The following POLR1B variants were observed in gnomAD, a reference collection of about 807,000 sequenced individuals.
The protein encoded by POLR1B is DNA-directed RNA polymerase I subunit RPA2.
POLR1B carries 30 observed loss-of-function variants against 105.8 expected under a neutral mutation model. The ratio of observed to expected loss-of-function variants is 0.28; its 90% CI spans 0.21 to 0.38. The LOEUF is 0.38. POLR1B is among the 10% of genes least tolerant of loss of function. The probability of loss-of-function intolerance (pLI) is 1.00; values close to 1 mark genes in which losing one functional copy is unlikely to be tolerated. For missense variants in POLR1B, 976 were observed against 1,435.8 expected, an observed-to-expected ratio of 0.68 and a Z score of 5.17; for synonymous variants, 485 against 505.1, an observed-to-expected ratio of 0.96 and a Z score of 0.53.
intron 4 of POLR1B, among the ~76,000 whole-genome samples, chr2:112,550,455 A>G (rs1683312802): frequency 6.6e-6 from 1 of 152,234 alleles, no homozygotes; most frequent in South Asian, 2.1e-4. Flanking sequence ...CTTTTGCATC[A>G]GTTGATGGTA....
chr2:112,549,441 T>A, intron 4 of POLR1B, 42 bp downstream of exon 4: 7 of 1,477,782 alleles, frequency 4.7e-6, no homozygotes, highest in Non-Finnish European at 6.3e-6. Flanking sequence ...AAGGAAAATT[T>A]AAAACTTTTT....
At chr2:112,556,546 TGTCTTC>T (rs1683672403) in intron 7 of POLR1B, among the ~76,000 whole-genome samples, 1 of 152,252 alleles carries the variant, frequency 6.6e-6, no homozygotes, top group Non-Finnish European at 1.5e-5. Context: ...CTTCCAGTGC[TGTCTTC>T]TGGAAGAATA....
Position 112,546,544 on chromosome 2 carries a change from C to CTTTTTTTTTT in POLR1B, c.178-442_178-433dup, listed in dbSNP as rs869087985. Among the ~76,000 whole-genome samples the CTTTTTTTTTT allele has an allele frequency of 5.6e-5, 3 of 53,188 alleles. 1 individual carries two copies. The highest frequency in any genetic ancestry group is 2.4e-4 in the African/African-American group (3 of 12,498). 34.9% of individuals were successfully genotyped at this position (53,188 alleles called of 152,430 possible). ...GAAGTTATGAGTAGACTGGAGGTAG[C>CTTTTTTTTTT]TTTTTTTTTTTTTTTTTTTTTTTTT... On this transcript the variant is annotated intron_variant, in intron 1 of 14. Coordinates refer to ENST00000263331, the MANE Select transcript of POLR1B (RefSeq NM_019014.6).
chr2:112,569,747 A>T (rs1292505103), intron 12 of POLR1B, among the ~76,000 whole-genome samples: 1 of 151,606 alleles, frequency 6.6e-6, no homozygotes, highest in African/African-American at 2.4e-5. Context: ...TTTAGTAGAG[A>T]CGGGGTTTCA....
chr2:112,568,606 C>A, intron 11 of POLR1B, 140 bp from the exon 12 acceptor site: 1 of 895,180 alleles, frequency 1.1e-6, no homozygotes, highest in East Asian at 2.6e-5. Context: ...CTGTGCTTCC[C>A]AGTTGATCCC....
intron 4 of POLR1B, 69 bp from the exon 5 acceptor site, chr2:112,550,797 A>G: frequency 1.3e-6 from 2 of 1,521,718 alleles, no homozygotes; most frequent in African/African-American, 2.8e-5. Context: ...AAGATTGTTC[A>G]GAAAGAAAAT....
intron 9 of POLR1B, 78 bp from the exon 10 acceptor site, chr2:112,564,288 G>A: frequency 6.5e-7 from 1 of 1,544,234 alleles, no homozygotes. Flanking sequence ...TACAGCAGCT[G>A]TTGACCCCAT....
In POLR1B at chr2:112,570,265, C is replaced by G. The variant is rs147483875; in HGVS notation, c.2074+1363C>G. On this transcript the variant is annotated intron_variant, in intron 12 of 14. Coordinates refer to ENST00000263331, the MANE Select transcript of POLR1B (RefSeq NM_019014.6). Reference sequence around the variant, plus strand: ...GTTTCACCATGTTGGCCTGGCTGGTCTCAAACTCCTGACCTGAAGTGATCT... The same window carrying G: ...GTTTCACCATGTTGGCCTGGCTGGTGTCAAACTCCTGACCTGAAGTGATCT... Among the ~76,000 whole-genome samples, 359 of 152,224 alleles carry G rather than the reference C, an allele frequency of 2.4e-3. 2 individuals are homozygous for G. Among genetic ancestry groups the G allele is most frequent in the African/African-American group, 8.3e-3 (346 of 41,522 alleles).
chr2:112,545,858 C>G (rs1558652309), intron 1 of POLR1B: 1 of 341,154 alleles, frequency 2.9e-6, no homozygotes, highest in Non-Finnish European at 5.7e-6. Context: ...GTGGCCCAGC[C>G]TGGTCTCAAA....
rs746508477 is a variant in POLR1B, at chr2:112,552,630, T to A, written c.987-15T>A. ...CTGAATTGTTTTAAGCTTTTTTTTT[T>A]TTCTGTTTTCACAGCCAGTGCATCT... On this transcript the variant is annotated splice_polypyrimidine_tract_variant and intron_variant, in intron 6 of 14. Transcript: ENST00000263331. The A allele has an allele frequency of 6.5e-7, 1 of 1,540,156 alleles. No homozygotes were observed. The highest frequency in any genetic ancestry group is 1.2e-5 in the South Asian group (1 of 80,640).
rs755198092 is a variant in POLR1B, at chr2:112,551,950, A to G, written c.938A>G (p.Asn313Ser). The G allele has an allele frequency of 4.8e-5, 78 of 1,614,124 alleles. No individual in the cohort carries two copies. The highest frequency in any genetic ancestry group is 1.6e-4 in the Middle Eastern group (1 of 6,084). The change falls in exon 6 of 15, where the codon AAT becomes AGT. Residue 313 changes from asparagine (N) to serine (S), a missense_variant. Asn to Ser is a conservative substitution (Grantham distance 46). Transcript: ENST00000263331. ...YLGECFRVKL[N>S]VPDWYPNEQA... is the part of the protein sequence containing the mutation. ...GGTGAATGCTTCAGAGTAAAACTCA[A>G]TGTTCCTGACTGGTACCCAAATGAG...
chr2:112,557,002 G>T (rs1683697272), intron 7 of POLR1B, among the ~76,000 whole-genome samples: 1 of 151,972 alleles, frequency 6.6e-6, no homozygotes, highest in South Asian at 2.1e-4. Flanking sequence ...TATACAATAA[G>T]GCTGGGTGTG....
Position 112,568,138 on chromosome 2 carries a change from G to T in POLR1B, c.1917+1G>T. On this transcript the variant is annotated splice_donor_variant, in intron 11 of 14. Transcript: ENST00000263331. LOFTEE classifies it high-confidence loss of function. The stretch of plus-strand genomic sequence containing the variant: ...AGAGCTAATTGGAACTATGGAACAG[G>T]TAAATACATATGTGTGATGGATGAG... The T allele has an allele frequency of 6.2e-7, 1 of 1,612,416 alleles. No homozygotes were observed. The highest frequency in any genetic ancestry group is 8.5e-7 in the Non-Finnish European group (1 of 1,178,568).
chr2:112,577,155 C>A lies in POLR1B; in HGVS notation c.*1426C>A, dbSNP rs1017892760. 1.3e-5 allele frequency: 2 copies of A among 152,192 alleles called. No individual in the cohort carries two copies. The highest frequency in any genetic ancestry group is 2.1e-4 in the South Asian group (1 of 4,834). 9.4% of individuals were successfully genotyped at this position (152,192 alleles called of 1,614,324 possible). ...ATAAGATGTTTTTTGATGATGAAAGCTTTCCTAAGGTAATTCTTTCCTGAG... is the reference window on the plus strand; with the variant it reads ...ATAAGATGTTTTTTGATGATGAAAGATTTCCTAAGGTAATTCTTTCCTGAG... On this transcript the variant is annotated 3_prime_UTR_variant, in exon 15 of 15. Transcript: ENST00000263331.
intron 10 of POLR1B, 66 bp from the exon 11 acceptor site, chr2:112,567,901 T>A (rs532337218): frequency 2.0e-5 from 28 of 1,392,350 alleles, no homozygotes; most frequent in Non-Finnish European, 2.8e-5. Flanking sequence ...CCATGGGGCA[T>A]AAGACTGGCA....
At chr2:112,571,963 G>A (rs1684617849) in intron 12 of POLR1B, among the ~76,000 whole-genome samples, 1 of 152,164 alleles carries the variant, frequency 6.6e-6, no homozygotes, top group Non-Finnish European at 1.5e-5. Flanking sequence ...GGTCTAGTAA[G>A]AGTAGCCCTT....
At chr2:112,571,612 C>A (rs1049547369) in intron 12 of POLR1B, among the ~76,000 whole-genome samples, 1 of 152,098 alleles carries the variant, frequency 6.6e-6, no homozygotes, top group Admixed American at 6.6e-5. Context: ...GTTCAGGAGT[C>A]CACCAAAGAT....
In POLR1B at chr2:112,573,705, G is replaced by A. The variant is rs199779559; in HGVS notation, c.2415G>A (p.Gln805=). Reference sequence around the variant, plus strand: ...AACCTGGTGACCCACGCGTTCTGCAGAAGTTAGATGACGATGGATTGCCGT... The same window carrying A: ...AACCTGGTGACCCACGCGTTCTGCAAAAGTTAGATGACGATGGATTGCCGT... ...GIKPGDPRVL[Q]KLDDDGLPFI... is the part of the protein sequence containing the mutation. Residue 805 remains glutamine, a synonymous_variant, in exon 14 of 15, where the codon CAG becomes CAA. Transcript: ENST00000263331. The A allele has an allele frequency of 6.2e-7, 1 of 1,614,270 alleles. No individual in the cohort carries two copies. Among genetic ancestry groups the A allele is most frequent in the East Asian group, 2.2e-5 (1 of 44,892 alleles).
At position 112,554,735 on chromosome 2, in the gene POLR1B, AAAAG is replaced by A. The variant is rs1313449183; in HGVS notation, c.1158+1923_1158+1926del. ...CCACATCAATTCCTAATTAGGAAAA[AAAAG>A]AAAAGAAAAAGAAATGAGACCAGGA... On this transcript the variant is annotated intron_variant, in intron 7 of 14. Coordinates refer to ENST00000263331, the MANE Select transcript of POLR1B (RefSeq NM_019014.6). 2.6e-5 allele frequency among the ~76,000 whole-genome samples: 4 copies of A among 152,282 alleles called. No homozygotes were observed. The East Asian group carries it at 7.7e-4, about 29-fold the overall frequency.
Sources: gnomAD v4.1 joint callset for allele counts (sites outside exome capture counted in the v4.1 genomes callset) on GRCh38, gnomAD v4.1.1 for gene constraint, MANE v1.5 for transcripts, NCBI Gene and HGNC (gene_info 2026-07-23, HGNC 2026-07-21) for gene names.